The following ANKS1B variants were observed in gnomAD, a reference collection of about 807,000 sequenced individuals.
The protein encoded by ANKS1B is ankyrin repeat and sterile alpha motif domain-containing protein 1B.
ANKS1B carries 36 observed loss-of-function variants against 148.3 expected under a neutral mutation model. The observed-to-expected ratio is 0.24, with a 90% CI of 0.19 to 0.32. The LOEUF (loss-of-function observed/expected upper bound fraction) is 0.32, where lower values mean the gene tolerates loss of function less well. ANKS1B is among the 10% of genes least tolerant of loss of function. The pLI is 1.00. For synonymous variants in ANKS1B, 542 were observed against 560.8 expected (o/e 0.97, Z 0.47); for missense variants, 1,157 against 1,542.6 (o/e 0.75, Z 4.19).
intron 9 of ANKS1B, among the ~76,000 whole-genome samples, chr12:99,543,545 C>G (rs916031984): frequency 3.9e-5 from 6 of 151,920 alleles, no homozygotes; most frequent in Non-Finnish European, 7.4e-5. Flanking sequence ...CAGCATTGCT[C>G]AAAATAGTCA....
chr12:99,721,893 A>G lies in ANKS1B; in HGVS notation c.1128+51029T>C, dbSNP rs546406632. ...GAAATTAAAAGTGCGACTCCAGTGG[A>G]CACATAAATGATAAGAAAGGGAAAC... On this transcript the variant is annotated intron_variant, in intron 8 of 26. Transcript: ENST00000683438. 3.3e-5 allele frequency among the ~76,000 whole-genome samples: 5 copies of G among 152,382 alleles called. No individual in the cohort carries two copies. In the South Asian group the frequency reaches 1.0e-3, roughly 32 times the overall value.
chr12:99,208,717 C>T (rs916988287), intron 14 of ANKS1B, among the ~76,000 whole-genome samples: 7 of 152,004 alleles, frequency 4.6e-5, no homozygotes, highest in East Asian at 1.9e-4. Context: ...TCAAGCAGAG[C>T]GAGATTTACT....
exon 10 of ANKS1B, chr12:98,735,298 T>TATG (rs2097767968): frequency 2.5e-6 from 1 of 400,772 alleles, no homozygotes; most frequent in East Asian, 3.5e-5. Flanking sequence ...TTTTACATTA[T>TATG]ATGTCTCTTG....
At chr12:99,025,849 G>T (rs2099948429) in intron 17 of ANKS1B, among the ~76,000 whole-genome samples, 1 of 152,312 alleles carries the variant, frequency 6.6e-6, no homozygotes, top group African/African-American at 2.4e-5. Context: ...GGGTCTAGGT[G>T]CTTCTCAGTG....
chr12:99,151,179 T>C (rs1427658845), intron 15 of ANKS1B, among the ~76,000 whole-genome samples: 3 of 151,986 alleles, frequency 2.0e-5, no homozygotes, highest in Non-Finnish European at 4.4e-5. Flanking sequence ...CACACATCAG[T>C]AAAATCAAGG....
intron 10 of ANKS1B, among the ~76,000 whole-genome samples, chr12:99,456,631 G>A (rs1342028096): frequency 5.3e-5 from 8 of 152,056 alleles, no homozygotes; most frequent in Non-Finnish European, 1.0e-4. Flanking sequence ...AATGCACTGG[G>A]AAGTCTCACA....
intron 1 of ANKS1B, among the ~76,000 whole-genome samples, chr12:99,943,077 T>G (rs2094959512): frequency 6.6e-6 from 1 of 152,206 alleles, no homozygotes. Flanking sequence ...GCATACATTT[T>G]GCTACCTGAA....
chr12:99,648,935 C>A, intron 9 of ANKS1B: 1 of 1,175,086 alleles, frequency 8.5e-7, no homozygotes, highest in African/African-American at 1.6e-5. Flanking sequence ...CATTTGGAGG[C>A]CATGGTACAT....
chr12:99,355,107 TA>T (rs2091849833), intron 12 of ANKS1B, among the ~76,000 whole-genome samples: 1 of 152,166 alleles, frequency 6.6e-6, no homozygotes, highest in South Asian at 2.1e-4. Context: ...TTATTTCCTT[TA>T]ATTGATAAAA....
intron 2 of ANKS1B, among the ~76,000 whole-genome samples, chr12:99,814,696 G>C (rs1305711096): frequency 6.6e-6 from 1 of 151,690 alleles, no homozygotes. Flanking sequence ...AGTAACCTCT[G>C]TCTCTCTTTC....
At chr12:99,124,630 G>A (rs74859541) in intron 15 of ANKS1B, among the ~76,000 whole-genome samples, 7,725 of 152,064 alleles carry the variant, frequency 0.051, 415 homozygotes, top group African/African-American at 0.13. Context: ...TGTAAGCCAC[G>A]GGTCTGAATA....
At chr12:99,648,181 G>T in intron 9 of ANKS1B, 1 of 1,611,528 alleles carries the variant, frequency 6.2e-7, no homozygotes, top group South Asian at 1.1e-5. Context: ...AGACATGGAG[G>T]ACTGCTGTAT....
At chr12:99,908,245 C>A (rs780323222) in intron 1 of ANKS1B, among the ~76,000 whole-genome samples, 7 of 152,012 alleles carry the variant, frequency 4.6e-5, no homozygotes, top group Non-Finnish European at 1.0e-4. Flanking sequence ...AATATAAGGA[C>A]AAAAATCATT....
intron 1 of ANKS1B, among the ~76,000 whole-genome samples, chr12:99,845,111 T>C (rs1214173618): frequency 6.6e-6 from 1 of 152,232 alleles, no homozygotes; most frequent in East Asian, 1.9e-4. Flanking sequence ...AAGTTACTTA[T>C]CAGCTTAAGA....
In ANKS1B at chr12:99,646,652, CAAAAAAAAA is replaced by C. The variant is rs35481645; in HGVS notation, c.1272+8406_1272+8414del. The stretch of plus-strand genomic sequence containing the variant: ...CGGGTGACAGAGTGAGACTCCATCT[CAAAAAAAAA>C]AAAAAAAAAAAAAAAAAAGACTCAA... On this transcript the variant is annotated intron_variant, in intron 9 of 26. Coordinates refer to ENST00000683438, the MANE Select transcript of ANKS1B (RefSeq NM_001352186.2). 1.4e-4 allele frequency among the ~76,000 whole-genome samples: 5 copies of C among 35,882 alleles called. No individual in the cohort carries two copies. The South Asian group carries it at 9.5e-3, about 68-fold the overall frequency. 23.5% of individuals were successfully genotyped at this position (35,882 alleles called of 152,430 possible).
At chr12:99,033,282 A>G (rs543038314) in intron 17 of ANKS1B, among the ~76,000 whole-genome samples, 59 of 152,288 alleles carry the variant, frequency 3.9e-4, no homozygotes, top group Non-Finnish European at 6.8e-4. Flanking sequence ...AACACCATTT[A>G]TTTATTCAAT....
At chr12:99,470,627 C>T (rs747011968) in intron 10 of ANKS1B, among the ~76,000 whole-genome samples, 2 of 152,138 alleles carry the variant, frequency 1.3e-5, no homozygotes, top group African/African-American at 2.4e-5. Flanking sequence ...ATGCCCACTG[C>T]AGCATGTGAA....
At chr12:99,983,037 C>CA (rs2095728467) in intron 1 of ANKS1B, among the ~76,000 whole-genome samples, 1 of 152,186 alleles carries the variant, frequency 6.6e-6, no homozygotes, top group Non-Finnish European at 1.5e-5. Flanking sequence ...TAGCATGGAA[C>CA]AGTTTTTAAA....
chr12:98,967,712 T>A (rs1597738446), intron 17 of ANKS1B, among the ~76,000 whole-genome samples: 3 of 94,718 alleles, frequency 3.2e-5, no homozygotes. Flanking sequence ...TAAAAAGAGA[T>A]CAGCCAATAA....
Sources: gnomAD v4.1 joint callset for allele counts (sites outside exome capture counted in the v4.1 genomes callset) on GRCh38, gnomAD v4.1.1 for gene constraint, MANE v1.5 for transcripts, NCBI Gene and HGNC (gene_info 2026-07-23, HGNC 2026-07-21) for gene names.